The following PLEKHH2 variants were observed in gnomAD, a reference collection of about 807,000 sequenced individuals.
PLEKHH2 encodes the protein pleckstrin homology, MyTH4 and FERM domain containing H2.
PLEKHH2 carries 129 observed loss-of-function variants against 187.9 expected under a neutral mutation model. The observed-to-expected ratio is 0.69, with a 90% CI of 0.59 to 0.79. The LOEUF (loss-of-function observed/expected upper bound fraction) is 0.79, where lower values mean the gene tolerates loss of function less well. Among genes scored for constraint, PLEKHH2 ranks in the 30% least tolerant of loss-of-function variants. The pLI is 0.00. For missense variants in PLEKHH2, 2,076 were observed against 1,751.2 expected (o/e 1.19, Z -3.31); for synonymous variants, 686 against 605.6 (o/e 1.13, Z -1.95).
intron 2 of PLEKHH2, 93 bp downstream of exon 2, chr2:43,644,889 T>C: frequency 7.5e-7 from 1 of 1,336,030 alleles, no homozygotes; most frequent in African/African-American, 1.5e-5. Context: ...GGGGGTTTGA[T>C]TTAATTTTTG....
At chr2:43,727,790 C>G (rs773487024) in intron 17 of PLEKHH2, among the ~76,000 whole-genome samples, 5 of 152,108 alleles carry the variant, frequency 3.3e-5, no homozygotes. Flanking sequence ...GATATTAGAC[C>G]CCTATCTCTA....
chr2:43,700,306 A>G lies in PLEKHH2; in HGVS notation c.1348A>G (p.Ser450Gly). ...KLRIPNVFSI[S>G]VALAKRHLSQ... ...AAGGATTCCTAATGTTTTCAGTATA[A>G]GTGTAGCACTAGCCAAAAGGCACTT... The change falls in exon 8 of 30, where the codon AGT becomes GGT. Residue 450 changes from serine (S) to glycine (G), a missense_variant. Transcript: ENST00000282406. 1 of 1,614,148 alleles carries G rather than the reference A, an allele frequency of 6.2e-7. No homozygotes were observed. The highest frequency in any genetic ancestry group is 8.5e-7 in the Non-Finnish European group (1 of 1,179,984).
At chr2:43,689,035 G>A (rs1396018696) in intron 3 of PLEKHH2, among the ~76,000 whole-genome samples, 1 of 152,140 alleles carries the variant, frequency 6.6e-6, no homozygotes, top group Non-Finnish European at 1.5e-5. Flanking sequence ...CCATAAGTCA[G>A]ACCATTAGCA....
intron 1 of PLEKHH2, among the ~76,000 whole-genome samples, chr2:43,639,936 A>T (rs1487952621): frequency 6.6e-6 from 1 of 151,908 alleles, no homozygotes; most frequent in Non-Finnish European, 1.5e-5. Context: ...GGATTACAGG[A>T]GTGAGCCACT....
At chr2:43,735,922 C>G (rs1671269325) in intron 19 of PLEKHH2, among the ~76,000 whole-genome samples, 1 of 152,052 alleles carries the variant, frequency 6.6e-6, no homozygotes, top group African/African-American at 2.4e-5. Flanking sequence ...ATAAAATATT[C>G]TTGTTTTAGC....
In PLEKHH2 at chr2:43,699,909, T is replaced by C. The variant is rs1186054164; in HGVS notation, c.951T>C (p.Cys317=). ...SSHTSEEGVQ[C]SRMGSEMYLT... ...ACACATCTGAGGAAGGGGTCCAGTG[T>C]AGCAGGATGGGAAGTGAAATGTATC... Residue 317 remains cysteine (C), a synonymous_variant, in exon 8 of 30, where the codon TGT becomes TGC. Transcript: ENST00000282406. 6.2e-7 allele frequency: 1 copy of C among 1,614,004 alleles called. No individual in the cohort carries two copies. Among genetic ancestry groups the C allele is most frequent in the Admixed American group, 1.7e-5 (1 of 59,978 alleles).
chr2:43,672,051 T>C (rs946255626), intron 2 of PLEKHH2, among the ~76,000 whole-genome samples: 1 of 152,116 alleles, frequency 6.6e-6, no homozygotes, highest in Non-Finnish European at 1.5e-5. Context: ...AGTCCTGGAG[T>C]TTCCTTTGTG....
intron 16 of PLEKHH2, among the ~76,000 whole-genome samples, chr2:43,723,383 C>T (rs1315308704): frequency 6.6e-6 from 1 of 152,156 alleles, no homozygotes; most frequent in Non-Finnish European, 1.5e-5. Context: ...AAGGTGAACA[C>T]TTATACACCA....
intron 2 of PLEKHH2, among the ~76,000 whole-genome samples, chr2:43,654,123 T>C (rs1291944859): frequency 6.6e-6 from 1 of 152,224 alleles, no homozygotes. Context: ...AGGCAAATAT[T>C]AAAAGAATTG....
chr2:43,685,027 T>G (rs1171733943), intron 3 of PLEKHH2, among the ~76,000 whole-genome samples: 3 of 152,232 alleles, frequency 2.0e-5, no homozygotes, highest in Admixed American at 6.5e-5. Flanking sequence ...TCTCATGCAC[T>G]GATGAAGTCA....
intron 1 of PLEKHH2, among the ~76,000 whole-genome samples, chr2:43,640,385 C>T (rs1665840913): frequency 6.6e-6 from 1 of 152,116 alleles, no homozygotes; most frequent in Middle Eastern, 3.4e-3. Context: ...GAGATGAGGT[C>T]TTGCTATGTT....
At chr2:43,725,394 G>C (rs956590575) in intron 16 of PLEKHH2, among the ~76,000 whole-genome samples, 4 of 152,188 alleles carry the variant, frequency 2.6e-5, no homozygotes, top group African/African-American at 9.6e-5. Flanking sequence ...CATTGTACAA[G>C]TGTGGAGTTT....
intron 1 of PLEKHH2, among the ~76,000 whole-genome samples, chr2:43,643,280 C>T (rs1401810311): frequency 6.6e-6 from 1 of 152,088 alleles, no homozygotes; most frequent in African/African-American, 2.4e-5. Context: ...AATAAAATGA[C>T]TTCCAGCTCT....
intron 24 of PLEKHH2, among the ~76,000 whole-genome samples, chr2:43,748,894 T>C (rs1487498440): frequency 2.6e-5 from 4 of 152,154 alleles, no homozygotes; most frequent in African/African-American, 9.7e-5. Flanking sequence ...ATAGCTGGGA[T>C]TACAGGCGCC....
chr2:43,744,278 T>G, intron 23 of PLEKHH2: 1 of 475,174 alleles, frequency 2.1e-6, no homozygotes, highest in Non-Finnish European at 3.0e-6. Flanking sequence ...GAAGTGCTAA[T>G]AAAATGGCTT....
intron 4 of PLEKHH2, among the ~76,000 whole-genome samples, chr2:43,693,889 G>C (rs1471511200): frequency 6.6e-6 from 1 of 151,866 alleles, no homozygotes; most frequent in Non-Finnish European, 1.5e-5. Context: ...TGTTTCTTTA[G>C]GTCAGTGGTT....
intron 2 of PLEKHH2, among the ~76,000 whole-genome samples, chr2:43,650,166 T>TTTTTC (rs752924347): frequency 7.5e-6 from 1 of 133,004 alleles, no homozygotes; most frequent in Non-Finnish European, 1.6e-5. Flanking sequence ...TTTTTTTTTT[T>TTTTTC]CTGAGATGGA....
At chr2:43,730,198 G>A (rs763983708) in intron 18 of PLEKHH2, among the ~76,000 whole-genome samples, 1 of 152,164 alleles carries the variant, frequency 6.6e-6, no homozygotes, top group African/African-American at 2.4e-5. Flanking sequence ...TGTGGCCCCA[G>A]ATGGCTTTGA....
Position 43,692,496 on chromosome 2 carries a change from T to G in PLEKHH2, c.187-18T>G, listed in dbSNP as rs1444815363. On this transcript the variant is annotated intron_variant, in intron 3 of 29. Coordinates refer to ENST00000282406, the MANE Select transcript of PLEKHH2 (RefSeq NM_172069.4). Reference sequence around the variant, plus strand: ...CTGAGTACACACACAATTTTAATATTTTATCCTTTGAATTTAGGTACAAGT... The same window carrying G: ...CTGAGTACACACACAATTTTAATATGTTATCCTTTGAATTTAGGTACAAGT... 6.5e-7 allele frequency: 1 copy of G among 1,540,914 alleles called. No individual in the cohort carries two copies. The highest frequency in any genetic ancestry group is 1.9e-5 in the Admixed American group (1 of 53,416).
Sources: allele counts gnomAD v4.1 joint callset (sites outside exome capture counted in the v4.1 genomes callset), GRCh38; gene constraint gnomAD v4.1.1; transcripts MANE v1.5; gene names NCBI Gene and HGNC (gene_info 2026-07-23, HGNC 2026-07-21).